Variants in TENM3 observed in about 807,000 individuals in gnomAD.
The protein encoded by TENM3 is teneurin-3.
Under a neutral mutation model 255.1 loss-of-function variants are expected in TENM3, and 63 were observed. The observed-to-expected ratio is 0.25, with a 90% CI of 0.20 to 0.30. The LOEUF (loss-of-function observed/expected upper bound fraction) is 0.30. TENM3 is among the 10% of genes least tolerant of loss of function. TENM3 has a pLI of 1.00. For missense variants in TENM3, 2,929 were observed against 3,461.1 expected (o/e 0.85, Z 3.86); for synonymous variants, 1,306 against 1,322.3 (o/e 0.99, Z 0.27).
chr4:182,332,673 G>A (rs768179063), intron 2 of TENM3, among the ~76,000 whole-genome samples: 70 of 147,556 alleles, frequency 4.7e-4, no homozygotes, highest in Middle Eastern at 3.4e-3. Flanking sequence ...AAGCCTGGGC[G>A]ACAGAGCAAG....
chr4:182,748,185 G>T (rs949967893), intron 19 of TENM3, among the ~76,000 whole-genome samples: 1 of 152,150 alleles, frequency 6.6e-6, no homozygotes, highest in African/African-American at 2.4e-5. Flanking sequence ...GAATCAAGGT[G>T]TAATATACTA....
the TENM3 span, among the ~76,000 whole-genome samples, chr4:182,091,792 G>A: frequency 6.6e-6 from 1 of 152,116 alleles, no homozygotes; most frequent in Non-Finnish European, 1.5e-5. Context: ...CAATTTCACG[G>A]GAGCGTGAGA....
intron 2 of TENM3, 35 bp from the exon 3 acceptor site, chr4:182,346,616 C>T (rs1764829965): frequency 6.4e-7 from 1 of 1,555,186 alleles, no homozygotes; most frequent in Non-Finnish European, 8.8e-7. Context: ...TGAACATATA[C>T]TCACTAGTTG....
intron 1 of TENM3, among the ~76,000 whole-genome samples, chr4:182,236,619 A>G (rs1756914923): frequency 1.3e-5 from 2 of 152,236 alleles, no homozygotes; most frequent in Non-Finnish European, 2.9e-5. Flanking sequence ...TATGTTAAAT[A>G]ATATGTATGT....
At chr4:181,575,000 C>T in the TENM3 span, among the ~76,000 whole-genome samples, 1 of 152,040 alleles carries the variant, frequency 6.6e-6, no homozygotes, top group Admixed American at 6.6e-5. Context: ...ATTTTGTTGG[C>T]ACTTTTTATT....
chr4:181,635,442 C>T, the TENM3 span, among the ~76,000 whole-genome samples: 1 of 152,176 alleles, frequency 6.6e-6, no homozygotes, highest in Non-Finnish European at 1.5e-5. Context: ...CCAATACATG[C>T]TAATTTGACA....
the TENM3 span, among the ~76,000 whole-genome samples, chr4:181,676,488 AG>A: frequency 6.6e-5 from 10 of 152,190 alleles, no homozygotes; most frequent in East Asian, 1.9e-3. Flanking sequence ...TAGTGGGTAT[AG>A]TACTGGACAG....
chr4:182,236,527 A>C (rs1579838440), intron 1 of TENM3, among the ~76,000 whole-genome samples: 1 of 152,228 alleles, frequency 6.6e-6, no homozygotes, highest in Non-Finnish European at 1.5e-5. Flanking sequence ...TCTATTTCAC[A>C]TGATTTTGTA....
chr4:182,111,265 G>A, the TENM3 span, among the ~76,000 whole-genome samples: 1 of 133,830 alleles, frequency 7.5e-6, no homozygotes, highest in Non-Finnish European at 1.5e-5. Flanking sequence ...TCAGCATTTA[G>A]GGACTTTTAT....
chr4:182,474,082 T>C (rs1051243824), intron 3 of TENM3, among the ~76,000 whole-genome samples: 3 of 152,188 alleles, frequency 2.0e-5, no homozygotes, highest in Non-Finnish European at 2.9e-5. Context: ...CATTGCCTCA[T>C]GGTAAGTTTC....
At chr4:182,652,287 C>T (rs1205091177) in intron 5 of TENM3, among the ~76,000 whole-genome samples, 2 of 152,178 alleles carry the variant, frequency 1.3e-5, no homozygotes, top group Admixed American at 1.3e-4. Context: ...ATGAGGGATG[C>T]ACAGGTATTT....
intron 11 of TENM3, 40 bp from the exon 12 acceptor site, chr4:182,688,126 A>G (rs1223292622): frequency 6.7e-7 from 1 of 1,497,102 alleles, no homozygotes; most frequent in Non-Finnish European, 9.0e-7. Context: ...CTCTCCCGCC[A>G]CTCTTCTCTC....
At chr4:182,784,373 A>G (rs1271329833) in intron 24 of TENM3, among the ~76,000 whole-genome samples, 2 of 151,958 alleles carry the variant, frequency 1.3e-5, no homozygotes, top group Non-Finnish European at 2.9e-5. Context: ...CTCAGGGGTC[A>G]GGGGTCAGGG....
chr4:181,849,949 T>TCTCTCACACACACA, the TENM3 span, among the ~76,000 whole-genome samples: 155 of 65,956 alleles, frequency 2.4e-3, 2 homozygotes, highest in East Asian at 6.6e-3. Flanking sequence ...TCTCTCTCTC[T>TCTCTCACACACACA]CACACACACA....
chr4:181,732,033 A>G, the TENM3 span, among the ~76,000 whole-genome samples: 1 of 152,212 alleles, frequency 6.6e-6, no homozygotes. Context: ...ATCTAAAACT[A>G]AATGGGAAAG....
the TENM3 span, among the ~76,000 whole-genome samples, chr4:181,647,064 T>C: frequency 3.5e-3 from 532 of 152,280 alleles, 4 homozygotes; most frequent in African/African-American, 0.012. Context: ...CCTGTAATGA[T>C]GACTAAGAAG....
the TENM3 span, among the ~76,000 whole-genome samples, chr4:182,061,268 T>A: frequency 6.6e-6 from 1 of 152,224 alleles, no homozygotes; most frequent in Non-Finnish European, 1.5e-5. Flanking sequence ...ATGACCTACA[T>A]AAGGTAGTCA....
At chr4:181,596,917 A>C in the TENM3 span, among the ~76,000 whole-genome samples, 1 of 152,114 alleles carries the variant, frequency 6.6e-6, no homozygotes, top group African/African-American at 2.4e-5. Flanking sequence ...AGCAACATAC[A>C]CTGGGGCCTT....
At chr4:182,554,210 C>A (rs1010728947) in intron 3 of TENM3, among the ~76,000 whole-genome samples, 1 of 152,160 alleles carries the variant, frequency 6.6e-6, no homozygotes, top group African/African-American at 2.4e-5. Context: ...TCTGATTAAT[C>A]TTTTCTTTCG....
Sources: allele counts gnomAD v4.1 joint callset (sites outside exome capture counted in the v4.1 genomes callset), GRCh38; gene constraint gnomAD v4.1.1; transcripts MANE v1.5; gene names NCBI Gene and HGNC (gene_info 2026-07-23, HGNC 2026-07-21).